ANXA10: variants seen among roughly 807,000 people sequenced by gnomAD.
The protein encoded by ANXA10 is annexin A10, also known as annexin 14.
A neutral mutation model predicts 53.5 loss-of-function variants in ANXA10; 49 were observed. That is an observed-to-expected ratio of 0.92 (90% CI 0.73 to 1.16). The LOEUF is 1.16. Ranked by LOEUF, ANXA10 falls within the 50% of genes most tolerant of loss-of-function variation. The pLI, the probability that ANXA10 is intolerant of heterozygous loss-of-function variation, is 0.00. For synonymous variants in ANXA10, 131 were observed against 128.9 expected, an observed-to-expected ratio of 1.02 and a Z score of -0.11; for missense variants, 393 against 394.4, an observed-to-expected ratio of 1.00 and a Z score of 0.03.
At chr4:168,131,072 T>C (rs968340622) in intron 2 of ANXA10, among the ~76,000 whole-genome samples, 2 of 151,996 alleles carry the variant, frequency 1.3e-5, no homozygotes, top group African/African-American at 4.8e-5. Context: ...TTTCCTAAGA[T>C]GCAAGCTTAG....
chr4:168,100,433 T>G (rs1730620688), intron 1 of ANXA10, among the ~76,000 whole-genome samples: 1 of 152,132 alleles, frequency 6.6e-6, no homozygotes, highest in Admixed American at 6.6e-5. Context: ...TTAAGATGAT[T>G]GTCACCCATC....
At chr4:168,146,678 C>A (rs1333105620) in intron 3 of ANXA10, among the ~76,000 whole-genome samples, 1 of 152,154 alleles carries the variant, frequency 6.6e-6, no homozygotes, top group Non-Finnish European at 1.5e-5. Context: ...TTGGTCTCAT[C>A]AGAGAATCAG....
intron 1 of ANXA10, among the ~76,000 whole-genome samples, chr4:168,103,714 A>C (rs1016640375): frequency 5.9e-5 from 9 of 151,910 alleles, no homozygotes; most frequent in African/African-American, 2.2e-4. Flanking sequence ...CAGGATTTCG[A>C]CTGGGATTTT....
chr4:168,117,694 A>G (rs771065889), intron 1 of ANXA10, among the ~76,000 whole-genome samples: 4 of 152,244 alleles, frequency 2.6e-5, no homozygotes, highest in Non-Finnish European at 4.4e-5. Context: ...GAAGTTCTAA[A>G]TAGACCAAAG....
intron 3 of ANXA10, among the ~76,000 whole-genome samples, chr4:168,157,313 G>A (rs1578924606): frequency 6.6e-6 from 1 of 151,900 alleles, no homozygotes; most frequent in Non-Finnish European, 1.5e-5. Flanking sequence ...TGTCTCCCAG[G>A]CTGGAGTGCA....
At chr4:168,104,701 A>G (rs974654170) in intron 1 of ANXA10, among the ~76,000 whole-genome samples, 6 of 151,914 alleles carry the variant, frequency 3.9e-5, no homozygotes, top group Non-Finnish European at 8.8e-5. Flanking sequence ...GAATGTTGTC[A>G]TCTATTTTTA....
At chr4:168,159,522 G>C (rs1015526404) in intron 3 of ANXA10, among the ~76,000 whole-genome samples, 2 of 152,158 alleles carry the variant, frequency 1.3e-5, no homozygotes, top group Non-Finnish European at 2.9e-5. Flanking sequence ...CCTGGGTCTA[G>C]AGATAGGCGG....
chr4:168,166,137 AAAG>A (rs1731873979), intron 6 of ANXA10, among the ~76,000 whole-genome samples: 1 of 152,218 alleles, frequency 6.6e-6, no homozygotes, highest in Admixed American at 6.5e-5. Context: ...GTACTTCAGA[AAAG>A]AATAGAGAAT....
At chr4:168,096,659 A>G (rs1462666654) in intron 1 of ANXA10, among the ~76,000 whole-genome samples, 4 of 151,698 alleles carry the variant, frequency 2.6e-5, no homozygotes, top group East Asian at 3.9e-4. Flanking sequence ...TCTGCACCTC[A>G]ATTTTTTTTA....
chr4:168,113,671 G>T (rs1303825856), intron 1 of ANXA10, among the ~76,000 whole-genome samples: 1 of 152,158 alleles, frequency 6.6e-6, no homozygotes, highest in African/African-American at 2.4e-5. Flanking sequence ...CCATCAACTT[G>T]ATAATTAGGT....
intron 10 of ANXA10, 125 bp from the exon 11 acceptor site, chr4:168,184,434 A>T (rs2149482655): frequency 9.0e-7 from 1 of 1,113,492 alleles, no homozygotes; most frequent in South Asian, 1.5e-5. Flanking sequence ...GTGGCCAGTG[A>T]TGCCAGTGTT....
At chr4:168,100,296 T>C (rs536619125) in intron 1 of ANXA10, among the ~76,000 whole-genome samples, 6 of 152,146 alleles carry the variant, frequency 3.9e-5, no homozygotes, top group Admixed American at 2.6e-4. Context: ...TCATCTGATT[T>C]TGATTTACAA....
chr4:168,102,235 G>C (rs111984172), intron 1 of ANXA10, among the ~76,000 whole-genome samples: 5,205 of 152,142 alleles, frequency 0.034, 120 homozygotes, highest in Middle Eastern at 0.058. Flanking sequence ...TGCATTTTCT[G>C]TTGGGTTTTC....
chr4:168,155,444 TGA>T (rs1731594597), intron 3 of ANXA10, among the ~76,000 whole-genome samples: 2 of 77,668 alleles, frequency 2.6e-5, no homozygotes, highest in African/African-American at 5.6e-5. Context: ...TATATAATTA[TGA>T]ATTATATATT....
At chr4:168,095,807 C>T (rs918349893) in intron 1 of ANXA10, among the ~76,000 whole-genome samples, 5 of 152,056 alleles carry the variant, frequency 3.3e-5, no homozygotes, top group Non-Finnish European at 7.4e-5. Context: ...TTCTGTGTAA[C>T]TCCAAAATCA....
chr4:168,119,664 C>T (rs999563517), intron 1 of ANXA10, among the ~76,000 whole-genome samples: 2 of 151,892 alleles, frequency 1.3e-5, no homozygotes, highest in South Asian at 2.1e-4. Flanking sequence ...TATTGTTATA[C>T]GCTGCAAACA....
chr4:168,144,664 A>C (rs956273497), intron 3 of ANXA10, among the ~76,000 whole-genome samples: 20 of 152,230 alleles, frequency 1.3e-4, no homozygotes, highest in African/African-American at 4.3e-4. Context: ...CACATAGTGT[A>C]CCACACATAG....
At chr4:168,123,736 C>A (rs1731025903) in intron 1 of ANXA10, among the ~76,000 whole-genome samples, 1 of 152,064 alleles carries the variant, frequency 6.6e-6, no homozygotes. Flanking sequence ...CCATTGTCAG[C>A]ATGTTATTTT....
At chr4:168,172,841 G>A (rs1298212802) in intron 6 of ANXA10, among the ~76,000 whole-genome samples, 1 of 149,252 alleles carries the variant, frequency 6.7e-6, no homozygotes, top group African/African-American at 2.5e-5. Flanking sequence ...CCAGGCTGGA[G>A]TGCAATGGCA....
Sources: allele counts gnomAD v4.1 joint callset (sites outside exome capture counted in the v4.1 genomes callset), GRCh38; gene constraint gnomAD v4.1.1; transcripts MANE v1.5; gene names NCBI Gene and HGNC (gene_info 2026-07-23, HGNC 2026-07-21).